Variants in SDK1 observed in about 807,000 individuals in gnomAD.
SDK1 encodes the protein protein sidekick-1.
Under a neutral mutation model 245.5 loss-of-function variants are expected in SDK1, and 157 were observed. The observed-to-expected ratio is 0.64, with a 90% CI of 0.56 to 0.73. SDK1 has a LOEUF of 0.73. Among genes scored for constraint, SDK1 ranks in the 30% least tolerant of loss-of-function variants. SDK1 has a pLI of 0.00. For missense variants in SDK1, 3,583 were observed against 3,002.3 expected, an observed-to-expected ratio of 1.19 and a Z score of -4.52; for synonymous variants, 1,647 against 1,278.5, an observed-to-expected ratio of 1.29 and a Z score of -6.15.
intron 30 of SDK1, 122 bp downstream of exon 30, chr7:4,149,585 C>G (rs534061609): frequency 3.6e-5 from 22 of 607,846 alleles, no homozygotes; most frequent in African/African-American, 3.5e-4. Flanking sequence ...AGCACAGGCC[C>G]CCTTTCTTTT....
intron 1 of SDK1, among the ~76,000 whole-genome samples, chr7:3,440,219 G>A (rs1780155230): frequency 6.6e-6 from 1 of 152,144 alleles, no homozygotes; most frequent in Non-Finnish European, 1.5e-5. Context: ...AGAGAACAAA[G>A]GAAGGATGGA....
At chr7:3,507,307 G>T (rs1782425038) in intron 1 of SDK1, among the ~76,000 whole-genome samples, 2 of 152,172 alleles carry the variant, frequency 1.3e-5, no homozygotes, top group South Asian at 4.1e-4. Flanking sequence ...GGACCTGTAT[G>T]CGGATTTCTG....
chr7:3,760,142 C>CT (rs1354944914), intron 4 of SDK1, among the ~76,000 whole-genome samples: 1 of 151,880 alleles, frequency 6.6e-6, no homozygotes, highest in African/African-American at 2.4e-5. Context: ...AAAGAGATGT[C>CT]TTTTTTGCAT....
chr7:4,172,217 G>A (rs1169444413), intron 32 of SDK1, among the ~76,000 whole-genome samples: 1 of 152,260 alleles, frequency 6.6e-6, no homozygotes, highest in Non-Finnish European at 1.5e-5. Flanking sequence ...GCTGCTGGCA[G>A]CCCTGCATGG....
At chr7:3,603,975 G>C (rs1267660461) in intron 1 of SDK1, among the ~76,000 whole-genome samples, 1 of 152,122 alleles carries the variant, frequency 6.6e-6, no homozygotes, top group Non-Finnish European at 1.5e-5. Flanking sequence ...TTTATATGCT[G>C]GATTACCTTT....
intron 20 of SDK1, among the ~76,000 whole-genome samples, chr7:4,073,472 T>C (rs1317306554): frequency 1.3e-5 from 2 of 152,230 alleles, no homozygotes; most frequent in Non-Finnish European, 2.9e-5. Flanking sequence ...CTGCTCTTCC[T>C]GAAGATGCTG....
rs1562411091 is a variant in SDK1 at position 4,191,209 on chromosome 7, G to GCGGT, written c.5098+12624_5098+12625insGGTC. 6.6e-3 allele frequency among the ~76,000 whole-genome samples: 1,003 copies of GCGGT among 151,542 alleles called. 21 individuals carry two copies. Among genetic ancestry groups the GCGGT allele is most frequent in the African/African-American group, 0.023 (954 of 41,288 alleles). ...CATGGCCCCCAGGCCCTCCCCCGCC[G>GCGGT]CAGTCACGGTGGGTGTCCTCCTGGC... is the stretch of plus-strand genomic sequence containing the variant. On this transcript the variant is annotated intron_variant, in intron 35 of 44. Coordinates refer to ENST00000404826, the MANE Select transcript of SDK1 (RefSeq NM_152744.4).
chr7:3,947,572 T>A (rs1056159342), intron 5 of SDK1, among the ~76,000 whole-genome samples: 30 of 137,198 alleles, frequency 2.2e-4, no homozygotes, highest in African/African-American at 5.7e-4. Context: ...GTGTGTGTAT[T>A]TTTTTGTAAA....
chr7:3,681,798 C>G (rs891046469), intron 4 of SDK1, among the ~76,000 whole-genome samples: 1 of 152,154 alleles, frequency 6.6e-6, no homozygotes, highest in African/African-American at 2.4e-5. Flanking sequence ...TATTGATTAA[C>G]TTTCCTTTCA....
At chr7:3,953,001 C>T (rs990286711) in intron 7 of SDK1, among the ~76,000 whole-genome samples, 8 of 152,090 alleles carry the variant, frequency 5.3e-5, no homozygotes, top group Admixed American at 2.6e-4. Context: ...CAGTGGTAGC[C>T]GCTGTTGATA....
intron 1 of SDK1, among the ~76,000 whole-genome samples, chr7:3,549,257 G>A (rs1404696371): frequency 6.6e-6 from 1 of 152,182 alleles, no homozygotes; most frequent in African/African-American, 2.4e-5. Flanking sequence ...TAGTCTTCCT[G>A]TGAGGATGCG....
intron 35 of SDK1, among the ~76,000 whole-genome samples, chr7:4,197,315 G>GA (rs747539324): frequency 1.6e-4 from 23 of 144,152 alleles, no homozygotes; most frequent in Non-Finnish European, 3.1e-4. Flanking sequence ...AAAAGAAAAA[G>GA]AAAAGAAAGA....
intron 1 of SDK1, among the ~76,000 whole-genome samples, chr7:3,438,547 A>ATG (rs1214280484): frequency 2.0e-5 from 3 of 152,186 alleles, no homozygotes; most frequent in Non-Finnish European, 4.4e-5. Flanking sequence ...GTGAAGGCCC[A>ATG]TGTGTCAGTG....
chr7:4,114,545 T>A (rs1252582366), intron 25 of SDK1, among the ~76,000 whole-genome samples: 1 of 152,214 alleles, frequency 6.6e-6, no homozygotes, highest in African/African-American at 2.4e-5. Flanking sequence ...TAATTTTCGC[T>A]AACGATGAAA....
intron 30 of SDK1, among the ~76,000 whole-genome samples, chr7:4,151,791 T>C (rs940907600): frequency 1.4e-4 from 21 of 152,172 alleles, no homozygotes; most frequent in Non-Finnish European, 1.5e-5. Context: ...CACGCAGACA[T>C]TGAGGCAGAG....
chr7:3,974,010 C>T (rs561209110), intron 12 of SDK1, among the ~76,000 whole-genome samples: 1 of 151,600 alleles, frequency 6.6e-6, no homozygotes, highest in East Asian at 1.9e-4. Flanking sequence ...GGCAAAACCT[C>T]ATCTCTATTA....
At chr7:4,242,571 G>C (rs1786597258) in intron 43 of SDK1, among the ~76,000 whole-genome samples, 1 of 152,030 alleles carries the variant, frequency 6.6e-6, no homozygotes, top group South Asian at 2.1e-4. Context: ...AATGGGGAGG[G>C]GTCTTGAGCG....
intron 4 of SDK1, among the ~76,000 whole-genome samples, chr7:3,798,513 A>G (rs770458653): frequency 8.6e-5 from 13 of 151,968 alleles, no homozygotes; most frequent in Admixed American, 1.3e-4. Flanking sequence ...CACTGCACCC[A>G]GCCAAACTTG....
rs371937710 is a variant in SDK1 at position 3,548,975 on chromosome 7, C to G, written c.299-70105C>G. On this transcript the variant is annotated intron_variant, in intron 1 of 44. Transcript: ENST00000404826. ...CAACAACAGTAGGGTTTTACTCTCC[C>G]TACTATCAATATATTGGCTGTGCTG... Among the ~76,000 whole-genome samples, 4 of 152,298 alleles carry G rather than the reference C, an allele frequency of 2.6e-5. No homozygotes were observed. In the East Asian group the frequency reaches 7.7e-4, roughly 29 times the overall value.
Sources: gnomAD v4.1 joint callset for allele counts (sites outside exome capture counted in the v4.1 genomes callset) on GRCh38, gnomAD v4.1.1 for gene constraint, MANE v1.5 for transcripts, NCBI Gene and HGNC (gene_info 2026-07-23, HGNC 2026-07-21) for gene names.